PTPRT: variants seen among roughly 807,000 people sequenced by gnomAD.
PTPRT encodes receptor-type tyrosine-protein phosphatase T.
Under a neutral mutation model 176.8 loss-of-function variants are expected in PTPRT, and 56 were observed. That is an observed-to-expected ratio of 0.32 (90% CI 0.26 to 0.40). PTPRT has a LOEUF of 0.40. PTPRT is among the 10% of genes least tolerant of loss of function. The pLI is 1.00. For synonymous variants in PTPRT, 783 were observed against 739.0 expected, an observed-to-expected ratio of 1.06 and a Z score of -0.96; for missense variants, 1,540 against 1,908.2, an observed-to-expected ratio of 0.81 and a Z score of 3.60.
chr20:42,844,565 C>T (rs1205714735), intron 2 of PTPRT, among the ~76,000 whole-genome samples: 1 of 152,154 alleles, frequency 6.6e-6, no homozygotes, highest in Non-Finnish European at 1.5e-5. Flanking sequence ...TGGTTACTCA[C>T]AGTGACAGAA....
At chr20:42,204,422 T>C (rs1204802927) in intron 15 of PTPRT, among the ~76,000 whole-genome samples, 3 of 152,204 alleles carry the variant, frequency 2.0e-5, no homozygotes, top group Non-Finnish European at 4.4e-5. Context: ...TTTTCTGTAG[T>C]TGCTTTGAGA....
At position 42,993,417 on chromosome 20, in the gene PTPRT, C is replaced by CA. The variant is rs1223108071; in HGVS notation, c.89-107486dup. The stretch of plus-strand genomic sequence containing the variant: ...TGGGTGACACAGCGAGACTCTGTCT[C>CA]AAAAAAAAAAAAAAGTATGTGTGTA... On this transcript the variant is annotated intron_variant, in intron 1 of 30. Coordinates refer to ENST00000373187, the MANE Select transcript of PTPRT (RefSeq NM_007050.6). Among the ~76,000 whole-genome samples the CA allele has an allele frequency of 4.5e-4, 35 of 78,294 alleles. 2 individuals carry two copies. The South Asian group carries it at 6.8e-3, about 15-fold the overall frequency. 51.4% of individuals were successfully genotyped at this position (78,294 alleles called of 152,430 possible). A position where few individuals can be genotyped will look rare whatever the true frequency, so the allele number is the denominator to read the frequency against.
chr20:42,781,539 A>C (rs1220281629), intron 3 of PTPRT, among the ~76,000 whole-genome samples: 3 of 152,034 alleles, frequency 2.0e-5, no homozygotes, highest in Non-Finnish European at 4.4e-5. Flanking sequence ...TGTCTACCCT[A>C]TATCTCCAAA....
intron 23 of PTPRT, among the ~76,000 whole-genome samples, 172 bp downstream of exon 23, chr20:42,110,161 C>T (rs55987820): frequency 2.9e-4 from 44 of 152,004 alleles, no homozygotes; most frequent in Non-Finnish European, 5.7e-4. Flanking sequence ...ATTCCTCTGC[C>T]TCAGCCTCCC....
At chr20:42,577,158 C>T (rs1189774496) in intron 7 of PTPRT, among the ~76,000 whole-genome samples, 1 of 152,158 alleles carries the variant, frequency 6.6e-6, no homozygotes, top group Admixed American at 6.5e-5. Flanking sequence ...GTAGATAGGT[C>T]AGGTTAATGT....
intron 9 of PTPRT, among the ~76,000 whole-genome samples, chr20:42,438,935 C>A (rs2059287356): frequency 6.6e-6 from 1 of 152,222 alleles, no homozygotes; most frequent in East Asian, 1.9e-4. Context: ...GGATGACCAG[C>A]AGCTCTAATG....
At chr20:42,087,079 C>T (rs993173566) in intron 27 of PTPRT, among the ~76,000 whole-genome samples, 1 of 151,680 alleles carries the variant, frequency 6.6e-6, no homozygotes, top group Non-Finnish European at 1.5e-5. Flanking sequence ...TTGATTGTCA[C>T]ACCTGCGGGT....
chr20:42,261,663 G>A (rs985065658), intron 13 of PTPRT, among the ~76,000 whole-genome samples: 2 of 152,158 alleles, frequency 1.3e-5, no homozygotes, highest in African/African-American at 4.8e-5. Flanking sequence ...CAGAACACAA[G>A]GCTTCTGGAA....
At chr20:42,059,794 G>C in the PTPRT span, among the ~76,000 whole-genome samples, 1 of 152,130 alleles carries the variant, frequency 6.6e-6, no homozygotes, top group Non-Finnish European at 1.5e-5. Flanking sequence ...TTCCCGAGAA[G>C]CTCGAGGCTG....
At chr20:42,178,383 G>C (rs1396559526) in intron 16 of PTPRT, among the ~76,000 whole-genome samples, 1 of 152,170 alleles carries the variant, frequency 6.6e-6, no homozygotes, top group Non-Finnish European at 1.5e-5. Context: ...AAAGCTTTGA[G>C]GATCCCTGGC....
At chr20:43,034,100 C>T (rs1986267594) in intron 1 of PTPRT, among the ~76,000 whole-genome samples, 1 of 152,236 alleles carries the variant, frequency 6.6e-6, no homozygotes. Context: ...AGCTCATGCT[C>T]TTTCCTGACT....
chr20:42,069,105 G>T (rs531057331), downstream of PTPRT, among the ~76,000 whole-genome samples: 165 of 152,342 alleles, frequency 1.1e-3, no homozygotes, highest in African/African-American at 3.7e-3. Flanking sequence ...GAGAAAACTT[G>T]TTTATATAAT....
intron 27 of PTPRT, among the ~76,000 whole-genome samples, chr20:42,092,742 G>T (rs184750225): frequency 3.0e-4 from 46 of 152,304 alleles, no homozygotes; most frequent in African/African-American, 1.0e-3. Flanking sequence ...GTTGCTATTT[G>T]CCCTAGAGGC....
At chr20:42,935,147 A>ATTTTTTTTTTTTT (rs57178522) in intron 1 of PTPRT, among the ~76,000 whole-genome samples, 2 of 42,156 alleles carry the variant, frequency 4.7e-5, no homozygotes, top group African/African-American at 1.9e-4. Flanking sequence ...TTTTGCCATA[A>ATTTTTTTTTTTTT]TTTTTTTTTT....
At chr20:42,563,782 G>A (rs1181265613) in intron 7 of PTPRT, among the ~76,000 whole-genome samples, 2 of 152,184 alleles carry the variant, frequency 1.3e-5, no homozygotes, top group African/African-American at 4.8e-5. Context: ...GTGCATGTGC[G>A]TGTGTGCACA....
chr20:42,204,888 G>C (rs559050263), intron 15 of PTPRT, among the ~76,000 whole-genome samples: 2 of 152,006 alleles, frequency 1.3e-5, no homozygotes, highest in Non-Finnish European at 2.9e-5. Context: ...ACAAAGTAAC[G>C]TTCTCTTCAT....
At chr20:42,600,390 T>C (rs1160570702) in intron 7 of PTPRT, among the ~76,000 whole-genome samples, 1 of 152,226 alleles carries the variant, frequency 6.6e-6, no homozygotes, top group Admixed American at 6.5e-5. Flanking sequence ...TCTGCCTGCA[T>C]TGGCCTCCCA....
intron 1 of PTPRT, among the ~76,000 whole-genome samples, chr20:42,993,788 A>C (rs1984081148): frequency 6.6e-6 from 1 of 151,966 alleles, no homozygotes; most frequent in Non-Finnish European, 1.5e-5. Context: ...AGCCTAAAAT[A>C]TTGCATCATG....
the PTPRT span, among the ~76,000 whole-genome samples, chr20:42,032,387 G>A: frequency 1.3e-5 from 2 of 152,136 alleles, no homozygotes; most frequent in Non-Finnish European, 2.9e-5. Flanking sequence ...CTTATTTCAA[G>A]GAGAGACACT....
Sources: gnomAD v4.1 joint callset for allele counts (sites outside exome capture counted in the v4.1 genomes callset) on GRCh38, gnomAD v4.1.1 for gene constraint, MANE v1.5 for transcripts, NCBI Gene and HGNC (gene_info 2026-07-23, HGNC 2026-07-21) for gene names.